Variants in NCAM1 observed in about 807,000 individuals in gnomAD.
NCAM1 encodes antigen recognized by monoclonal antibody 5.1H11.
In NCAM1, 14 loss-of-function variants were observed where a neutral mutation model predicts 109.8. The ratio of observed to expected loss-of-function variants is 0.13; its 90% CI spans 0.08 to 0.20. The LOEUF (loss-of-function observed/expected upper bound fraction) is 0.20, where lower values mean the gene tolerates loss of function less well. Among genes scored for constraint, NCAM1 ranks in the 10% least tolerant of loss-of-function variants. The probability of loss-of-function intolerance (pLI) is 1.00; values close to 1 mark genes in which losing one functional copy is unlikely to be tolerated. For synonymous variants in NCAM1, 418 were observed against 442.9 expected, an observed-to-expected ratio of 0.94 and a Z score of 0.70; for missense variants, 774 against 1,109.9, an observed-to-expected ratio of 0.70 and a Z score of 4.30.
intron 16 of NCAM1, among the ~76,000 whole-genome samples, chr11:113,259,208 C>T (rs1355724537): frequency 1.3e-5 from 2 of 151,714 alleles, no homozygotes; most frequent in Middle Eastern, 3.2e-3. Context: ...CCCGCCACTA[C>T]GCCCGGCTAA....
chr11:113,216,449 G>GCC (rs1944536330), intron 8 of NCAM1, among the ~76,000 whole-genome samples: 1 of 152,192 alleles, frequency 6.6e-6, no homozygotes, highest in South Asian at 2.1e-4. Context: ...ACCGCGCCCG[G>GCC]CCGATTTCAT....
intron 15 of NCAM1, among the ~76,000 whole-genome samples, chr11:113,252,583 C>T (rs1398807666): frequency 6.6e-6 from 1 of 152,036 alleles, no homozygotes. Flanking sequence ...ATACTCAGTA[C>T]ACATCTGTTG....
At chr11:113,056,097 A>C (rs1304279832) in intron 1 of NCAM1, among the ~76,000 whole-genome samples, 6 of 147,000 alleles carry the variant, frequency 4.1e-5, no homozygotes, top group African/African-American at 1.5e-4. Context: ...AAATCCTGTC[A>C]TTTGCAGCAA....
chr11:113,120,053 A>G (rs1303241164), intron 1 of NCAM1, among the ~76,000 whole-genome samples: 1 of 152,222 alleles, frequency 6.6e-6, no homozygotes, highest in African/African-American at 2.4e-5. Flanking sequence ...ACAGTTTTCT[A>G]AAAGAATTGA....
At chr11:113,225,768 G>A (rs1406232161) in intron 9 of NCAM1, among the ~76,000 whole-genome samples, 1 of 152,156 alleles carries the variant, frequency 6.6e-6, no homozygotes, top group Admixed American at 6.5e-5. Flanking sequence ...AGAGAGTGGG[G>A]GCCAATATTC....
At chr11:113,207,073 T>G (rs1219712519) in intron 5 of NCAM1, among the ~76,000 whole-genome samples, 188 bp from the exon 6 acceptor site, 6 of 152,256 alleles carry the variant, frequency 3.9e-5, no homozygotes, top group African/African-American at 1.4e-4. Context: ...TTTGTAGAAC[T>G]GTCTATTCAG....
intron 1 of NCAM1, among the ~76,000 whole-genome samples, chr11:113,179,975 T>C (rs1480878786): frequency 6.6e-6 from 1 of 152,126 alleles, no homozygotes; most frequent in Non-Finnish European, 1.5e-5. Flanking sequence ...ATGTAGAAAC[T>C]GGGGACCCTG....
In NCAM1 at chr11:113,254,184, G is replaced by A. The variant is rs535762879; in HGVS notation, c.1829-1693G>A. ...ATTTGGAAAGCCTAAATACCTTGAC[G>A]TGTCTAAACCAAATTTCTACCTATT... On this transcript the variant is annotated intron_variant, in intron 15 of 19. Coordinates refer to ENST00000316851, the MANE Select transcript of NCAM1 (RefSeq NM_181351.5). Among the ~76,000 whole-genome samples, 22 of 152,318 alleles carry A rather than the reference G, an allele frequency of 1.4e-4. No individual in the cohort carries two copies. The South Asian group carries it at 1.7e-3, about 11-fold the overall frequency.
chr11:113,174,641 AC>A, intron 1 of NCAM1, among the ~76,000 whole-genome samples: 1 of 152,160 alleles, frequency 6.6e-6, no homozygotes, highest in Non-Finnish European at 1.5e-5. Context: ...ATAGACTTTA[AC>A]CTTATTGCAA....
intron 1 of NCAM1, among the ~76,000 whole-genome samples, chr11:113,146,641 G>T (rs1476550921): frequency 6.6e-6 from 1 of 152,144 alleles, no homozygotes; most frequent in Non-Finnish European, 1.5e-5. Flanking sequence ...TATTCCAATG[G>T]AATTTGCTTC....
At chr11:113,241,661 AG>A (rs782733979) in intron 14 of NCAM1, among the ~76,000 whole-genome samples, 78 of 152,298 alleles carry the variant, frequency 5.1e-4, no homozygotes, top group Non-Finnish European at 9.7e-4. Flanking sequence ...CTGAATGTGC[AG>A]GAGTAGAAGG....
intron 17 of NCAM1, chr11:113,264,703 G>A: frequency 1.0e-6 from 1 of 985,132 alleles, no homozygotes; most frequent in Non-Finnish European, 1.2e-6. Flanking sequence ...GGACCCTTTG[G>A]AGATCTCGTC....
chr11:113,059,450 G>A (rs1361719260), intron 1 of NCAM1, among the ~76,000 whole-genome samples: 2 of 152,098 alleles, frequency 1.3e-5, no homozygotes, highest in Non-Finnish European at 2.9e-5. Flanking sequence ...TGATGATTGG[G>A]GCTGGAGGAT....
intron 1 of NCAM1, among the ~76,000 whole-genome samples, chr11:113,128,422 G>A (rs1257788936): frequency 6.6e-6 from 1 of 152,172 alleles, no homozygotes; most frequent in Non-Finnish European, 1.5e-5. Context: ...TTCTTCTCCA[G>A]GAGCTTTGGA....
intron 1 of NCAM1, among the ~76,000 whole-genome samples, chr11:113,141,313 C>T (rs1555100356): frequency 6.6e-6 from 1 of 152,104 alleles, no homozygotes; most frequent in Non-Finnish European, 1.5e-5. Context: ...GTGGCAGTAT[C>T]GCTGTGAGTC....
At chr11:113,264,873 A>G (rs769033510) in intron 17 of NCAM1, 2 of 985,110 alleles carry the variant, frequency 2.0e-6, no homozygotes, top group Non-Finnish European at 2.4e-6. Flanking sequence ...GCGCATACCC[A>G]CTCCCCACGG....
intron 1 of NCAM1, among the ~76,000 whole-genome samples, chr11:113,171,044 C>G (rs1942971926): frequency 6.6e-6 from 1 of 152,138 alleles, no homozygotes; most frequent in Non-Finnish European, 1.5e-5. Flanking sequence ...AGGAGACAGA[C>G]AGAGAAAGTG....
intron 1 of NCAM1, among the ~76,000 whole-genome samples, chr11:113,065,446 G>A (rs1555084062): frequency 6.6e-6 from 1 of 152,112 alleles, no homozygotes; most frequent in Non-Finnish European, 1.5e-5. Context: ...AACTTCACAG[G>A]GGAGAAACCT....
At chr11:112,979,717 G>A (rs1951102278) in intron 1 of NCAM1, among the ~76,000 whole-genome samples, 1 of 151,704 alleles carries the variant, frequency 6.6e-6, no homozygotes, top group Non-Finnish European at 1.5e-5. Flanking sequence ...ATTTTGGTTT[G>A]GTCTGGTCTC....
Sources: gnomAD v4.1 joint callset for allele counts (sites outside exome capture counted in the v4.1 genomes callset) on GRCh38, gnomAD v4.1.1 for gene constraint, MANE v1.5 for transcripts, NCBI Gene and HGNC (gene_info 2026-07-23, HGNC 2026-07-21) for gene names.